Variants in SLC35E4 observed in about 807,000 individuals in gnomAD.
The protein encoded by SLC35E4 is solute carrier family 35 member E4, also known as solute carrier family 35, member E4.
Under a neutral mutation model 19.3 loss-of-function variants are expected in SLC35E4, and 15 were observed. That is an observed-to-expected ratio of 0.78 (90% confidence interval 0.52 to 1.20). The LOEUF is 1.20. Ranked by LOEUF, SLC35E4 falls within the 50% of genes most tolerant of loss-of-function variation. The pLI is 0.00. For synonymous variants in SLC35E4, 219 were observed against 219.9 expected (o/e 1.00, Z 0.04); for missense variants, 406 against 472.3 (o/e 0.86, Z 1.30).
chr22:30,659,144 A>AG (rs1569066154), intron 2 of SLC35E4, among the ~76,000 whole-genome samples: 1 of 141,920 alleles, frequency 7.0e-6, no homozygotes, highest in Non-Finnish European at 1.5e-5. Context: ...AAAAAAAAAA[A>AG]AAGAAGAAAC....
chr22:30,639,718 C>G (rs766145265), intron 1 of SLC35E4, among the ~76,000 whole-genome samples: 1 of 152,188 alleles, frequency 6.6e-6, no homozygotes, highest in African/African-American at 2.4e-5. Context: ...CTGTTCCACC[C>G]GGCTCACCGG....
intron 1 of SLC35E4, among the ~76,000 whole-genome samples, chr22:30,640,142 AG>A (rs2088015230): frequency 6.6e-6 from 1 of 152,132 alleles, no homozygotes; most frequent in Admixed American, 6.5e-5. Context: ...CCCGCAACAG[AG>A]GTGGGAGGAT....
downstream of SLC35E4, chr22:30,663,505 C>A: frequency 6.2e-7 from 1 of 1,614,186 alleles, no homozygotes; most frequent in Non-Finnish European, 8.5e-7. Context: ...GGGGAACTGA[C>A]CATGTGCACA....
At chr22:30,648,755 G>T (rs1181762538), downstream of SLC35E4, among the ~76,000 whole-genome samples, 3 of 152,006 alleles carry the variant, frequency 2.0e-5, no homozygotes, top group East Asian at 3.9e-4. Flanking sequence ...AAATCCAATC[G>T]CTTGAGGCCA....
intron 1 of SLC35E4, among the ~76,000 whole-genome samples, chr22:30,640,592 G>A (rs1386660656): frequency 6.6e-6 from 1 of 152,128 alleles, no homozygotes; most frequent in Non-Finnish European, 1.5e-5. Context: ...TTCCTACTGA[G>A]GGGCATCTGA....
chr22:30,638,626 A>G (rs1473017874), intron 1 of SLC35E4, among the ~76,000 whole-genome samples: 5 of 151,634 alleles, frequency 3.3e-5, no homozygotes, highest in African/African-American at 7.3e-5. Flanking sequence ...AGCCTGGCCA[A>G]CATGGGGAAA....
rs551905986 is a variant in SLC35E4 at position 30,646,491 on chromosome 22, C to T, written c.620-107C>T. 122 of 1,336,060 alleles carry T rather than the reference C, an allele frequency of 9.1e-5. No homozygotes were observed. In the East Asian group the frequency reaches 2.4e-3, roughly 27 times the overall value. The allele number at this position is 1,336,060 out of a possible 1,614,324, so 82.8% of individuals were successfully genotyped here. A position where few individuals can be genotyped will look rare whatever the true frequency, so the allele number is the denominator to read the frequency against. On this transcript the variant is annotated intron_variant, in intron 1 of 1. Coordinates refer to ENST00000343605, the MANE Select transcript of SLC35E4 (RefSeq NM_001001479.4). ...CAGATCAGGAGCCACTAGCCCTGCC[C>T]GAGGGGTCCGGGTAGGCTTCTTGGA...
chr22:30,662,362 T>G (rs1291758241), exon 3 of SLC35E4: 3 of 152,168 alleles, frequency 2.0e-5, no homozygotes, highest in Non-Finnish European at 4.4e-5. Context: ...GGTCCGAAGC[T>G]CCAGCCTTCC....
intron 2 of SLC35E4, among the ~76,000 whole-genome samples, chr22:30,658,385 A>AT (rs1569065786): frequency 4.6e-5 from 7 of 151,862 alleles, no homozygotes; most frequent in African/African-American, 1.4e-4. Context: ...GAAAAAAAAA[A>AT]ATTTTTTTTT....
intron 1 of SLC35E4, 112 bp downstream of exon 1, chr22:30,637,181 G>A (rs1381615846): frequency 3.5e-6 from 5 of 1,439,448 alleles, no homozygotes; most frequent in African/African-American, 2.8e-5. Context: ...GGAAACTGAG[G>A]TTCATGGCTG....
At chr22:30,639,239 C>T (rs1420006094) in intron 1 of SLC35E4, among the ~76,000 whole-genome samples, 3 of 152,002 alleles carry the variant, frequency 2.0e-5, no homozygotes, top group Admixed American at 1.3e-4. Flanking sequence ...ATAAAACCAG[C>T]AAGTTTTGAT....
At position 30,646,772 on chromosome 22, in the gene SLC35E4, C is replaced by T; in HGVS notation, c.794C>T (p.Ser265Phe). The T allele has an allele frequency of 6.2e-7, 1 of 1,614,172 alleles. No homozygotes were observed. Among genetic ancestry groups the T allele is most frequent in the Middle Eastern group, 1.6e-4 (1 of 6,062 alleles). The change falls in exon 2 of 2, where the codon TCT (serine) becomes TTT (phenylalanine). Residue 265 changes from serine to phenylalanine, a missense_variant. Coordinates refer to ENST00000343605, the MANE Select transcript of SLC35E4 (RefSeq NM_001001479.4). The stretch of plus-strand genomic sequence containing the variant: ...TGCATCCTGCTCAGCTGCCTCCTGT[C>T]TGTTCTCTATAACCTGGCCAGCTTC... Reference protein sequence around the residue: ...WACILLSCLLSVLYNLASFSL... With the variant: ...WACILLSCLLFVLYNLASFSL...
In SLC35E4 at chr22:30,636,384, G is replaced by A. The variant is rs1370158833; in HGVS notation, c.-67G>A. The stretch of plus-strand genomic sequence containing the variant: ...CCAGGATCTAGCCTGGCCCCAAGCG[G>A]AACTCTCTGGTGGCCCAGAGGTCGT... On this transcript the variant is annotated 5_prime_UTR_variant, in exon 1 of 2. Transcript: ENST00000343605. 7.0e-6 allele frequency: 10 copies of A among 1,435,270 alleles called. No individual in the cohort carries two copies. The East Asian group carries it at 1.3e-4, about 18-fold the overall frequency. The allele number at this position is 1,435,270 out of a possible 1,614,324, so 88.9% of individuals were successfully genotyped here.
At position 30,656,622 on chromosome 22, in the gene SLC35E4, G is replaced by A. The variant is rs535044478; in HGVS notation, c.*9-5438G>A. 2.6e-5 allele frequency among the ~76,000 whole-genome samples: 4 copies of A among 152,288 alleles called. No homozygotes were observed. The East Asian group carries it at 7.7e-4, about 29-fold the overall frequency. On this transcript the variant is annotated intron_variant, in intron 2 of 2. Coordinates refer to the SLC35E4 transcript ENST00000406566. ...CTTCTTTCTCCCCTACTATAGGACTGCATTCAAACCTCAACATGACCTTCT... is the reference window on the plus strand; with the variant it reads ...CTTCTTTCTCCCCTACTATAGGACTACATTCAAACCTCAACATGACCTTCT...
chr22:30,657,306 C>CACAA (rs1327783231), intron 2 of SLC35E4, among the ~76,000 whole-genome samples: 29 of 112,480 alleles, frequency 2.6e-4, no homozygotes, highest in African/African-American at 1.3e-3. Flanking sequence ...CACACACACA[C>CACAA]AAATTAGCCG....
intron 1 of SLC35E4, among the ~76,000 whole-genome samples, 154 bp from the exon 2 acceptor site, chr22:30,646,444 C>A (rs796659282): frequency 1.2e-4 from 19 of 152,280 alleles, no homozygotes; most frequent in African/African-American, 3.6e-4. Context: ...TGGTCTGACT[C>A]CAACTCTTGA....
Position 30,639,127 on chromosome 22 carries a change from G to T in SLC35E4, c.619+2058G>T, listed in dbSNP as rs144249849. Among the ~76,000 whole-genome samples, 395 of 152,278 alleles carry T rather than the reference G, an allele frequency of 2.6e-3. 1 individual carries two copies. The highest frequency in any genetic ancestry group is 8.8e-3 in the African/African-American group (364 of 41,548). On this transcript the variant is annotated intron_variant, in intron 1 of 1. Coordinates refer to ENST00000343605, the MANE Select transcript of SLC35E4 (RefSeq NM_001001479.4). ...TTCTGTATTACCTAAGTGTCAGCTG[G>T]TCTGAGAAATAAAGGGACAGAGTAC...
At chr22:30,639,871 G>T (rs1029189854) in intron 1 of SLC35E4, among the ~76,000 whole-genome samples, 10 of 152,102 alleles carry the variant, frequency 6.6e-5, no homozygotes, top group Non-Finnish European at 1.5e-4. Flanking sequence ...GTCCTGAGGC[G>T]ACATACAGCC....
chr22:30,638,272 C>T (rs1466175424), intron 1 of SLC35E4, among the ~76,000 whole-genome samples: 1 of 151,250 alleles, frequency 6.6e-6, no homozygotes, highest in Non-Finnish European at 1.5e-5. Context: ...GAGGCTGAGG[C>T]GGGTGGATCA....
Sources: gnomAD v4.1 joint callset for allele counts (sites outside exome capture counted in the v4.1 genomes callset) on GRCh38, gnomAD v4.1.1 for gene constraint, MANE v1.5 for transcripts, NCBI Gene and HGNC (gene_info 2026-07-23, HGNC 2026-07-21) for gene names.